Variants in TBC1D4 observed in about 807,000 individuals in gnomAD.
The protein encoded by TBC1D4 is TBC1 domain family member 4.
TBC1D4 carries 121 observed loss-of-function variants against 142.5 expected under a neutral mutation model. The observed-to-expected ratio is 0.85, with a 90% CI of 0.73 to 0.99. The LOEUF (loss-of-function observed/expected upper bound fraction) is 0.99, where lower values mean the gene tolerates loss of function less well. Among genes scored for constraint, TBC1D4 ranks in the 50% least tolerant of loss-of-function variants. The pLI is 0.00. For missense variants in TBC1D4, 1,475 were observed against 1,606.6 expected (o/e 0.92, Z 1.40); for synonymous variants, 630 against 628.2 (o/e 1.00, Z -0.04).
intron 5 of TBC1D4, among the ~76,000 whole-genome samples, chr13:75,346,653 G>A (rs926198701): frequency 1.3e-5 from 2 of 152,014 alleles, no homozygotes; most frequent in Admixed American, 6.6e-5. Flanking sequence ...AATCCTTTGC[G>A]TATATACCCA....
intron 15 of TBC1D4, chr13:75,302,727 T>C: frequency 2.7e-6 from 1 of 375,702 alleles, no homozygotes; most frequent in South Asian, 2.6e-5. Context: ...AACTCAACTA[T>C]AAGGTAGGCA....
intron 1 of TBC1D4, among the ~76,000 whole-genome samples, chr13:75,468,381 A>G (rs1888255819): frequency 6.6e-6 from 1 of 152,242 alleles, no homozygotes; most frequent in Non-Finnish European, 1.5e-5. Context: ...AACTGAAACT[A>G]AAAATAAATC....
chr13:75,361,980 C>T (rs1295399138), intron 2 of TBC1D4, 46 bp downstream of exon 2: 1 of 1,609,640 alleles, frequency 6.2e-7, no homozygotes, highest in African/African-American at 1.3e-5. Flanking sequence ...CTACTTCCAT[C>T]TGGCACCTTT....
intron 1 of TBC1D4, among the ~76,000 whole-genome samples, chr13:75,452,664 G>A (rs548723492): frequency 1.8e-4 from 27 of 152,202 alleles, no homozygotes; most frequent in Non-Finnish European, 2.9e-4. Flanking sequence ...ACAAATTGCC[G>A]TAAGTGATTT....
intron 13 of TBC1D4, among the ~76,000 whole-genome samples, chr13:75,310,516 A>G (rs17064151): frequency 0.049 from 7,521 of 152,220 alleles, 461 homozygotes; most frequent in African/African-American, 0.14. Flanking sequence ...GGTATCAGTG[A>G]TCTCCGAAGG....
intron 1 of TBC1D4, among the ~76,000 whole-genome samples, chr13:75,409,308 T>C (rs2138386693): frequency 6.6e-6 from 1 of 152,346 alleles, no homozygotes; most frequent in Non-Finnish European, 1.5e-5. Context: ...AAATATTTTC[T>C]ACAACAAAAC....
chr13:75,373,182 T>C (rs1467073295), intron 1 of TBC1D4, among the ~76,000 whole-genome samples: 1 of 152,170 alleles, frequency 6.6e-6, no homozygotes, highest in African/African-American at 2.4e-5. Flanking sequence ...TGTAATATTA[T>C]CAGGAAACAA....
intron 1 of TBC1D4, among the ~76,000 whole-genome samples, chr13:75,460,126 G>C (rs1018853856): frequency 1.3e-5 from 2 of 152,010 alleles, no homozygotes; most frequent in Admixed American, 1.3e-4. Flanking sequence ...CTGGGCGACA[G>C]AGCGAGACTC....
chr13:75,296,827 A>T (rs553953893), intron 17 of TBC1D4, among the ~76,000 whole-genome samples: 19 of 152,340 alleles, frequency 1.2e-4, no homozygotes, highest in Non-Finnish European at 2.5e-4. Flanking sequence ...TAAAGTTGAA[A>T]AAGACCTCAA....
At chr13:75,293,160 A>G (rs1010236333) in intron 18 of TBC1D4, among the ~76,000 whole-genome samples, 12 of 152,370 alleles carry the variant, frequency 7.9e-5, no homozygotes, top group South Asian at 2.1e-4. Flanking sequence ...TCTTAGAAAA[A>G]TAAAAAAAGA....
At position 75,289,127 on chromosome 13, in the gene TBC1D4, A is replaced by C; in HGVS notation, c.3487-17T>G. On this transcript the variant is annotated splice_polypyrimidine_tract_variant and intron_variant, in intron 19 of 20. Coordinates refer to ENST00000377636, the MANE Select transcript of TBC1D4 (RefSeq NM_014832.5). The stretch of plus-strand genomic sequence containing the variant: ...CTCAAAAACCTGCCATGAAAGTATC[A>C]TGGGTTAGGCTAGCCTTTGGTATGT... The C allele has an allele frequency of 6.2e-7, 1 of 1,613,346 alleles. No homozygotes were observed. The highest frequency in any genetic ancestry group is 8.5e-7 in the Non-Finnish European group (1 of 1,179,650).
chr13:75,319,995 T>C lies in TBC1D4; in HGVS notation c.2222+19A>G. 6.2e-7 allele frequency: 1 copy of C among 1,611,742 alleles called. No individual in the cohort carries two copies. The highest frequency in any genetic ancestry group is 1.1e-5 in the South Asian group (1 of 90,894). ...TCTGTGAATTTTTTTTAAATAAAAA[T>C]ACGTAGACCTCTAATCACCTTGATT... On this transcript the variant is annotated intron_variant, in intron 12 of 20. Coordinates refer to ENST00000377636, the MANE Select transcript of TBC1D4 (RefSeq NM_014832.5).
intron 1 of TBC1D4, among the ~76,000 whole-genome samples, chr13:75,432,981 T>C (rs568587583): frequency 1.3e-5 from 2 of 151,226 alleles, no homozygotes; most frequent in Non-Finnish European, 2.9e-5. Flanking sequence ...ACAATGCCTA[T>C]GCTCTTTGCA....
At position 75,362,219 on chromosome 13, in the gene TBC1D4, A is replaced by T; in HGVS notation, c.887T>A (p.Phe296Tyr). 6.2e-7 allele frequency: 1 copy of T among 1,613,480 alleles called. No homozygotes were observed. Among genetic ancestry groups the T allele is most frequent in the Non-Finnish European group, 8.5e-7 (1 of 1,179,922 alleles). ...QPALTSSRVC[F>Y]PERILEDSGF... ...AGAATCTTCCAAAATCCGCTCAGGG[A>T]AGCAGACCCGAGAGCTGGTCAGGGC... Residue 296 changes from phenylalanine (F) to tyrosine (Y), a missense_variant, in exon 2 of 21, where the codon TTC becomes TAC. This residue lies in a region of TBC1D4 where 1,227 missense variants were observed against 1,267.7 expected (regional missense o/e 0.97). Transcript: ENST00000377636. This position sits in a 1 kb window ranked among gnomAD's most constrained non-coding sequence, Gnocchi z 4.2.
At chr13:75,444,147 A>C (rs1887171265) in intron 1 of TBC1D4, among the ~76,000 whole-genome samples, 1 of 152,136 alleles carries the variant, frequency 6.6e-6, no homozygotes. Flanking sequence ...TTTTAAGATA[A>C]AGTCTTGTTC....
intron 1 of TBC1D4, among the ~76,000 whole-genome samples, chr13:75,407,408 T>C (rs1885398364): frequency 1.3e-5 from 2 of 152,300 alleles, no homozygotes; most frequent in African/African-American, 2.4e-5. Context: ...TCTAGGAAGA[T>C]GGCCACAGCA....
chr13:75,345,163 C>T (rs1330776530), intron 5 of TBC1D4, among the ~76,000 whole-genome samples: 2 of 152,164 alleles, frequency 1.3e-5, no homozygotes, highest in Non-Finnish European at 2.9e-5. Context: ...GTGAATACAG[C>T]AGTTATTACC....
chr13:75,381,249 T>G (rs1883830721), intron 1 of TBC1D4, among the ~76,000 whole-genome samples: 1 of 152,192 alleles, frequency 6.6e-6, no homozygotes, highest in Non-Finnish European at 1.5e-5. Flanking sequence ...CAATTTATTA[T>G]GAGGAAATCA....
chr13:75,401,321 G>A (rs964575406), intron 1 of TBC1D4, among the ~76,000 whole-genome samples: 7 of 152,124 alleles, frequency 4.6e-5, no homozygotes, highest in Non-Finnish European at 1.0e-4. Context: ...CCACAATCAT[G>A]GGGGATTGCA....
Sources: gnomAD v4.1 joint callset for allele counts (sites outside exome capture counted in the v4.1 genomes callset) on GRCh38, gnomAD v4.1.1 for gene constraint, gnomAD v4.1.1 regional missense constraint, Gnocchi (gnomAD v3.1) non-coding constraint, MANE v1.5 for transcripts, NCBI Gene and HGNC (gene_info 2026-07-23, HGNC 2026-07-21) for gene names.